The following RARB variants were observed in gnomAD, a reference collection of about 807,000 sequenced individuals.
The protein encoded by RARB is HBV-activated protein.
Under a neutral mutation model 51.9 loss-of-function variants are expected in RARB, and 17 were observed. That is an observed-to-expected ratio of 0.33 (90% confidence interval 0.22 to 0.49). The LOEUF (loss-of-function observed/expected upper bound fraction) is 0.49. RARB is among the 20% of genes least tolerant of loss of function. RARB has a pLI of 0.99. For synonymous variants in RARB, 215 were observed against 195.4 expected (o/e 1.10, Z -0.84); for missense variants, 369 against 550.8 (o/e 0.67, Z 3.30).
intron 3 of RARB, among the ~76,000 whole-genome samples, chr3:25,070,741 A>G (rs1018811908): frequency 8.5e-5 from 13 of 152,300 alleles, no homozygotes; most frequent in Non-Finnish European, 1.0e-4. Context: ...TTTTTTATGG[A>G]GCTTACATTC....
chr3:25,163,746 G>A (rs1437928263), intron 4 of RARB, among the ~76,000 whole-genome samples: 1 of 151,944 alleles, frequency 6.6e-6, no homozygotes, highest in Non-Finnish European at 1.5e-5. Context: ...AGACGCTGGG[G>A]AGACCAAAGT....
intron 2 of RARB, among the ~76,000 whole-genome samples, chr3:24,946,661 G>A (rs1392935745): frequency 6.6e-6 from 1 of 152,110 alleles, no homozygotes; most frequent in Non-Finnish European, 1.5e-5. Flanking sequence ...TTGAGCCCAG[G>A]AATTAGAGAC....
chr3:25,273,621 A>G (rs925571094), intron 5 of RARB, among the ~76,000 whole-genome samples: 9 of 152,174 alleles, frequency 5.9e-5, no homozygotes, highest in African/African-American at 2.2e-4. Flanking sequence ...GCAGAAGGGA[A>G]AGTCTGCTCA....
chr3:25,527,781 A>C (rs949592762), intron 3 of RARB, among the ~76,000 whole-genome samples: 2 of 152,190 alleles, frequency 1.3e-5, no homozygotes, highest in African/African-American at 4.8e-5. Context: ...TAAAACTGTA[A>C]AACTAACTGT....
intron 5 of RARB, among the ~76,000 whole-genome samples, chr3:25,368,834 A>C (rs1706213548): frequency 6.6e-6 from 1 of 152,170 alleles, no homozygotes; most frequent in Admixed American, 6.5e-5. Context: ...ACAGATTCTA[A>C]CAGATGATTT....
intron 3 of RARB, among the ~76,000 whole-genome samples, chr3:25,077,814 A>G (rs908705234): frequency 2.0e-5 from 3 of 152,134 alleles, no homozygotes; most frequent in Non-Finnish European, 4.4e-5. Flanking sequence ...TCTGTGATGA[A>G]TAAGAGCTTT....
intron 5 of RARB, among the ~76,000 whole-genome samples, chr3:25,244,728 C>T (rs1702515080): frequency 6.6e-6 from 1 of 152,082 alleles, no homozygotes; most frequent in Admixed American, 6.6e-5. Flanking sequence ...TGTTTTACTT[C>T]CAATTATGTG....
chr3:24,960,499 C>G (rs985255479), intron 2 of RARB, among the ~76,000 whole-genome samples: 3 of 152,100 alleles, frequency 2.0e-5, no homozygotes, highest in African/African-American at 7.2e-5. Flanking sequence ...TGTGGGTACT[C>G]AGATCTTTGT....
intron 5 of RARB, among the ~76,000 whole-genome samples, chr3:25,243,170 C>G (rs538219866): frequency 2.0e-5 from 3 of 152,260 alleles, no homozygotes; most frequent in African/African-American, 4.8e-5. Flanking sequence ...TATCCTGAGA[C>G]TTTGCTGAAG....
chr3:25,328,467 C>A (rs567069171), intron 5 of RARB, among the ~76,000 whole-genome samples: 120 of 152,324 alleles, frequency 7.9e-4, no homozygotes, highest in African/African-American at 2.8e-3. Context: ...TTGCAGTGAG[C>A]TGAGATCATG....
At chr3:25,092,209 C>T (rs538934058) in intron 3 of RARB, among the ~76,000 whole-genome samples, 63 of 152,194 alleles carry the variant, frequency 4.1e-4, no homozygotes, top group South Asian at 3.1e-3. Flanking sequence ...CTTTCCCATC[C>T]GTTAAGTGAT....
intron 2 of RARB, among the ~76,000 whole-genome samples, chr3:25,478,155 T>C (rs2125577902): frequency 6.6e-6 from 1 of 152,272 alleles, no homozygotes; most frequent in South Asian, 2.1e-4. Context: ...TTCCCTAGCC[T>C]TGCAAGTCCC....
Position 24,849,101 on chromosome 3 carries a change from T to C in RARB, c.-458-9573T>C, listed in dbSNP as rs1025679052. 2.6e-5 allele frequency among the ~76,000 whole-genome samples: 4 copies of C among 152,340 alleles called. No homozygotes were observed. The South Asian group carries it at 8.3e-4, about 32-fold the overall frequency. On this transcript the variant is annotated intron_variant, in intron 1 of 11. Transcript: ENST00000383772. ...AAATGGAGAATAGTCCCAAACTCTA[T>C]ATATATTATGTTTTTTCCTATACAT...
intron 4 of RARB, among the ~76,000 whole-genome samples, chr3:25,156,652 T>C (rs1293662379): frequency 6.6e-6 from 1 of 151,566 alleles, no homozygotes; most frequent in Non-Finnish European, 1.5e-5. Flanking sequence ...TAAATGGAGA[T>C]GCTCTCGTTC....
intron 4 of RARB, among the ~76,000 whole-genome samples, chr3:25,173,438 A>G (rs1258120304): frequency 6.6e-6 from 1 of 152,178 alleles, no homozygotes; most frequent in Non-Finnish European, 1.5e-5. Context: ...CAACAAATGG[A>G]TGGATGGATG....
At chr3:24,833,259 C>T (rs1317175) in intron 1 of RARB, 5,575 of 152,336 alleles carry the variant, frequency 0.037, 188 homozygotes, top group East Asian at 0.12. Flanking sequence ...ACTTTGGTGG[C>T]TTCTATGAGA....
intron 5 of RARB, among the ~76,000 whole-genome samples, chr3:25,277,949 A>G (rs1703433098): frequency 6.6e-6 from 1 of 152,204 alleles, no homozygotes; most frequent in Non-Finnish European, 1.5e-5. Flanking sequence ...TACATAAATG[A>G]TGCCACACAA....
chr3:25,244,767 G>A (rs1702516304), intron 5 of RARB, among the ~76,000 whole-genome samples: 1 of 152,156 alleles, frequency 6.6e-6, no homozygotes, highest in East Asian at 1.9e-4. Flanking sequence ...GCTATGTAGT[G>A]CTGAGAAGCA....
intron 2 of RARB, among the ~76,000 whole-genome samples, chr3:25,033,058 T>C (rs1041596373): frequency 2.0e-5 from 3 of 152,242 alleles, no homozygotes; most frequent in African/African-American, 7.2e-5. Context: ...AAATATCTTC[T>C]AGTTGCCAGT....
Sources: allele counts gnomAD v4.1 joint callset (sites outside exome capture counted in the v4.1 genomes callset), GRCh38; gene constraint gnomAD v4.1.1; transcripts MANE v1.5; gene names NCBI Gene and HGNC (gene_info 2026-07-23, HGNC 2026-07-21).